Variants in C8A observed in about 807,000 individuals in gnomAD.
The protein encoded by C8A is complement C8 alpha chain.
In C8A, 67 loss-of-function variants were observed where a neutral mutation model predicts 65.3. The ratio of observed to expected loss-of-function variants is 1.03; its 90% CI spans 0.84 to 1.26. The LOEUF (loss-of-function observed/expected upper bound fraction) is 1.26, where lower values mean the gene tolerates loss of function less well. C8A is among the 50% of genes most tolerant of loss of function. The pLI, the probability that C8A is intolerant of heterozygous loss-of-function variation, is 0.00. For missense variants in C8A, 781 were observed against 723.9 expected (o/e 1.08, Z -0.90); for synonymous variants, 290 against 259.4 (o/e 1.12, Z -1.13).
rs1644291696 is a variant in C8A at position 56,885,491 on chromosome 1, CGTAAATACATAT to C, written c.856-435_856-424del. 1.6e-4 allele frequency among the ~76,000 whole-genome samples: 17 copies of C among 104,908 alleles called. No individual in the cohort carries two copies. In the South Asian group the frequency reaches 5.1e-3, roughly 31 times the overall value. 68.8% of individuals were successfully genotyped at this position (104,908 alleles called of 152,430 possible). On this transcript the variant is annotated intron_variant, in intron 6 of 10. Coordinates refer to ENST00000361249, the MANE Select transcript of C8A (RefSeq NM_000562.3). ...ATATATTTATTTAAATATATATTTA[CGTAAATACATAT>C]ATATATTTCTTACAGCTACTAAAAG... is the stretch of plus-strand genomic sequence containing the variant.
At chr1:56,868,429 C>T (rs528781578) in intron 2 of C8A, among the ~76,000 whole-genome samples, 10 of 151,584 alleles carry the variant, frequency 6.6e-5, no homozygotes, top group African/African-American at 2.4e-4. Context: ...GGCAACATAG[C>T]AAGACTTAGT....
chr1:56,892,306 T>C (rs1026894870), intron 7 of C8A, among the ~76,000 whole-genome samples: 1 of 152,116 alleles, frequency 6.6e-6, no homozygotes, highest in African/African-American at 2.4e-5. Context: ...TGACTATTTA[T>C]TATGTGCTAA....
chr1:56,912,391 C>A lies in C8A; in HGVS notation c.1381-12C>A. On this transcript the variant is annotated splice_polypyrimidine_tract_variant and intron_variant, in intron 9 of 10. Transcript: ENST00000361249. The stretch of plus-strand genomic sequence containing the variant: ...CCCAGGGAGGGGCCCTGTGTTCTTT[C>A]TGTGCCCACAGATGCAGCCTATCCA... 12 of 1,612,962 alleles carry A rather than the reference C, an allele frequency of 7.4e-6. No homozygotes were observed. Among genetic ancestry groups the A allele is most frequent in the Non-Finnish European group, 1.0e-5 (12 of 1,178,986 alleles).
At chr1:56,892,730 G>T (rs978327176) in intron 7 of C8A, among the ~76,000 whole-genome samples, 10 of 152,128 alleles carry the variant, frequency 6.6e-5, no homozygotes, top group Admixed American at 5.2e-4. Context: ...GTTGGTGGTG[G>T]TCTGCTCCAG....
Position 56,886,060 on chromosome 1 carries a change from A to T in C8A, c.989A>T (p.Tyr330Phe). ...ELPDQYNYGMYAKFINDYGTH... is the reference protein window; with the variant it reads ...ELPDQYNYGMFAKFINDYGTH... ...CCAGATCAGTACAATTATGGCATGT[A>T]TGCCAAGTTCATCAATGACTATGGC... Residue 330 changes from tyrosine to phenylalanine, a missense_variant, in exon 7 of 11, where the codon TAT (tyrosine) becomes TTT (phenylalanine). By Grantham distance (22) the Tyr-to-Phe change is conservative (BLOSUM62 3). Transcript: ENST00000361249. 6.2e-7 allele frequency: 1 copy of T among 1,614,082 alleles called. No homozygotes were observed. The highest frequency in any genetic ancestry group is 1.3e-5 in the African/African-American group (1 of 75,072).
chr1:56,875,842 A>C (rs1454512405), intron 3 of C8A, among the ~76,000 whole-genome samples: 1 of 152,128 alleles, frequency 6.6e-6, no homozygotes, highest in Non-Finnish European at 1.5e-5. Context: ...TGGGGGCTGC[A>C]ATGTGGAGAA....
intron 1 of C8A, among the ~76,000 whole-genome samples, chr1:56,866,419 T>C (rs770277049): frequency 6.6e-6 from 1 of 152,224 alleles, no homozygotes; most frequent in Non-Finnish European, 1.5e-5. Context: ...CTTTAGTAAT[T>C]TGCTGAAATG....
At chr1:56,917,415 C>T (rs752153966) in intron 10 of C8A, 150 bp from the exon 11 acceptor site, 24 of 756,558 alleles carry the variant, frequency 3.2e-5, no homozygotes, top group Middle Eastern at 3.6e-4. Flanking sequence ...CTTATCTGTA[C>T]GTACCTCCAA....
intron 9 of C8A, 118 bp from the exon 10 acceptor site, chr1:56,912,285 T>G (rs2101310133): frequency 1.2e-6 from 1 of 818,722 alleles, no homozygotes; most frequent in Non-Finnish European, 2.0e-6. Context: ...ATAAATTGGG[T>G]GTCTGTGTCT....
rs187731564 is a variant in C8A at position 56,854,862 on chromosome 1, A to G, written c.-40A>G. On this transcript the variant is annotated 5_prime_UTR_variant, in exon 1 of 11. Coordinates refer to ENST00000361249, the MANE Select transcript of C8A (RefSeq NM_000562.3). ...TCCAATTTCCTGAATAGATAGCTTTATTCCTTCAAGGTAATATAGTGCGGT... is the reference window on the plus strand; with the variant it reads ...TCCAATTTCCTGAATAGATAGCTTTGTTCCTTCAAGGTAATATAGTGCGGT... 219 of 1,568,728 alleles carry G rather than the reference A, an allele frequency of 1.4e-4. No individual in the cohort carries two copies. The highest frequency in any genetic ancestry group is 1.3e-3 in the Admixed American group (74 of 58,946).
At chr1:56,871,873 C>T (rs1007860724) in intron 2 of C8A, among the ~76,000 whole-genome samples, 6 of 152,066 alleles carry the variant, frequency 3.9e-5, no homozygotes, top group Admixed American at 2.0e-4. Flanking sequence ...TGTCTGATTT[C>T]GAATAACATT....
At chr1:56,863,536 A>G (rs1399134259) in intron 1 of C8A, among the ~76,000 whole-genome samples, 1 of 152,130 alleles carries the variant, frequency 6.6e-6, no homozygotes, top group African/African-American at 2.4e-5. Context: ...TTACAATGAC[A>G]TTATCTTGAC....
At chr1:56,909,162 T>C (rs1644488699) in intron 9 of C8A, among the ~76,000 whole-genome samples, 1 of 152,238 alleles carries the variant, frequency 6.6e-6, no homozygotes, top group Non-Finnish European at 1.5e-5. Flanking sequence ...GAAGTGATTG[T>C]TCTAGCAGTT....
At chr1:56,899,745 G>A (rs747471520) in intron 7 of C8A, among the ~76,000 whole-genome samples, 47 of 152,314 alleles carry the variant, frequency 3.1e-4, no homozygotes, top group African/African-American at 1.1e-3. Context: ...GGCAACAGCA[G>A]TAATAGCAAC....
intron 7 of C8A, among the ~76,000 whole-genome samples, chr1:56,895,110 G>C (rs1297712009): frequency 2.0e-5 from 3 of 152,126 alleles, no homozygotes; most frequent in Admixed American, 6.5e-5. Flanking sequence ...GGCTCAGTGT[G>C]ACTCACTTAG....
chr1:56,913,903 A>C (rs937508889), intron 10 of C8A, among the ~76,000 whole-genome samples: 1 of 152,192 alleles, frequency 6.6e-6, no homozygotes, highest in Non-Finnish European at 1.5e-5. Flanking sequence ...GTCCCAGTTC[A>C]CTCAGTGGGA....
chr1:56,881,890 T>C (rs1454871551), intron 5 of C8A, among the ~76,000 whole-genome samples: 1 of 152,180 alleles, frequency 6.6e-6, no homozygotes, highest in Non-Finnish European at 1.5e-5. Flanking sequence ...GGCTCTATTA[T>C]CTGGGCTGCC....
intron 7 of C8A, among the ~76,000 whole-genome samples, chr1:56,886,906 C>T (rs1467135179): frequency 6.6e-6 from 1 of 152,136 alleles, no homozygotes; most frequent in East Asian, 1.9e-4. Flanking sequence ...CATAGCATCA[C>T]CTGGGAACTT....
intron 8 of C8A, among the ~76,000 whole-genome samples, chr1:56,907,742 C>T (rs1217290159): frequency 1.3e-5 from 2 of 152,222 alleles, no homozygotes; most frequent in African/African-American, 2.4e-5. Context: ...GGGCTGTCCT[C>T]TCAGTATTTC....
Sources: gnomAD v4.1 joint callset for allele counts (sites outside exome capture counted in the v4.1 genomes callset) on GRCh38, gnomAD v4.1.1 for gene constraint, MANE v1.5 for transcripts, NCBI Gene and HGNC (gene_info 2026-07-23, HGNC 2026-07-21) for gene names.